AHNAK: variants seen among roughly 807,000 people sequenced by gnomAD.
AHNAK encodes neuroblast differentiation-associated protein AHNAK.
Under a neutral mutation model 37.8 loss-of-function variants are expected in AHNAK, and 23 were observed. The ratio of observed to expected loss-of-function variants is 0.61; its 90% CI spans 0.44 to 0.86. The LOEUF (loss-of-function observed/expected upper bound fraction) is 0.86, where lower values mean the gene tolerates loss of function less well. Ranked by LOEUF, AHNAK falls within the 40% of genes least tolerant of loss-of-function variation. The probability of loss-of-function intolerance (pLI) is 0.00; values close to 1 mark genes in which losing one functional copy is unlikely to be tolerated. For missense variants in AHNAK, 7,411 were observed against 7,319.4 expected (o/e 1.01, Z -0.46); for synonymous variants, 2,481 against 2,636.3 (o/e 0.94, Z 1.80).
At position 62,517,076 on chromosome 11, in the gene AHNAK, T is replaced by G. The variant is rs776518675; in HGVS notation, c.17341A>C (p.Asn5781His). The change falls in exon 5 of 5, where the codon AAT (asparagine) becomes CAT (histidine). Residue 5781 changes from asparagine to histidine, a missense_variant. Transcript: ENST00000378024. ...AACTCTCTTTCATCACTGAATGAAT[T>G]TGAGCGGTGCCGTGGCTTCTTACTT... Reference protein sequence around the residue: ...FKSKKPRHRSNSFSDEREFSG... With the variant: ...FKSKKPRHRSHSFSDEREFSG... 4 of 1,614,176 alleles carry G rather than the reference T, an allele frequency of 2.5e-6. No individual in the cohort carries two copies. Among genetic ancestry groups the G allele is most frequent in the South Asian group, 1.1e-5 (1 of 91,080 alleles).
intron 5 of AHNAK, among the ~76,000 whole-genome samples, chr11:62,443,024 T>G (rs564336965): frequency 6.6e-6 from 1 of 151,102 alleles, no homozygotes; most frequent in Non-Finnish European, 1.5e-5. Flanking sequence ...CAGGCTGGAG[T>G]GCGGTGGCGT....
intron 4 of AHNAK, among the ~76,000 whole-genome samples, chr11:62,500,753 C>T (rs1388055672): frequency 6.6e-6 from 1 of 152,230 alleles, no homozygotes; most frequent in East Asian, 1.9e-4. Context: ...ATCCTTTCAT[C>T]TCCCCTTTGG....
Position 62,522,888 on chromosome 11 carries a change from A to G in AHNAK, c.11529T>C (p.Asp3843=), listed in dbSNP as rs748109975. The change falls in exon 5 of 5, where the codon GAT becomes GAC. Residue 3843 remains aspartate (D), a synonymous_variant. Transcript: ENST00000378024. ...GGCCTTCGATATTCACATCTGGAAC[A>G]TCAATGTCCACCTTGGGTCCTGAGA... The part of the protein sequence containing the change: ...LDVSGPKVDI[D]VPDVNIEGPE... The G allele has an allele frequency of 3.7e-6, 6 of 1,611,928 alleles. No homozygotes were observed. The highest frequency in any genetic ancestry group is 5.1e-6 in the Non-Finnish European group (6 of 1,179,486).
In AHNAK at chr11:62,516,821, A is replaced by G; in HGVS notation, c.17596T>C (p.Ser5866Pro). 1 of 1,614,196 alleles carries G rather than the reference A, an allele frequency of 6.2e-7. No individual in the cohort carries two copies. The highest frequency in any genetic ancestry group is 8.5e-7 in the Non-Finnish European group (1 of 1,180,034). ...ASKKSRLSSS[S>P]SNDSGNKVGI... Reference sequence around the variant, plus strand: ...ACCTTATTCCCACTGTCATTGCTAGAAGAGGAGGACAGTCGGGACTTCTTA... The same window carrying G: ...ACCTTATTCCCACTGTCATTGCTAGGAGAGGAGGACAGTCGGGACTTCTTA... The change falls in exon 5 of 5, where the codon TCT becomes CCT. Residue 5866 changes from serine to proline, a missense_variant. Transcript: ENST00000378024.
At position 62,520,662 on chromosome 11, in the gene AHNAK, G is replaced by A; in HGVS notation, c.13755C>T (p.Asp4585=). The part of the protein sequence containing the change: ...KLKGPKFKMP[D]LHLKAPKISM... ...AGATCTTCGGTGCCTTGAGGTGTAA[G>A]TCAGGCATTTTAAATTTGGGGCCCT... Residue 4585 remains aspartate (D), a synonymous_variant, in exon 5 of 5, where the codon GAC becomes GAT. Transcript: ENST00000378024. 2.5e-6 allele frequency: 4 copies of A among 1,613,928 alleles called. No homozygotes were observed. The highest frequency in any genetic ancestry group is 3.4e-6 in the Non-Finnish European group (4 of 1,179,968).
At chr11:62,511,215 C>T (rs1229625086), downstream of AHNAK, among the ~76,000 whole-genome samples, 1 of 152,002 alleles carries the variant, frequency 6.6e-6, no homozygotes, top group Non-Finnish European at 1.5e-5. Flanking sequence ...ACAACCCACC[C>T]ACCTAATTAA....
intron 4 of AHNAK, among the ~76,000 whole-genome samples, chr11:62,504,314 C>A (rs1939768349): frequency 1.3e-5 from 2 of 152,038 alleles, no homozygotes; most frequent in Admixed American, 6.5e-5. Context: ...AGCATCCCTG[C>A]CAGGCCCCCC....
intron 5 of AHNAK, among the ~76,000 whole-genome samples, chr11:62,448,161 G>T (rs1938457077): frequency 6.6e-6 from 1 of 152,148 alleles, no homozygotes; most frequent in Admixed American, 6.5e-5. Context: ...AGCCAGTGAG[G>T]CTAGAGGGAC....
intron 4 of AHNAK, among the ~76,000 whole-genome samples, chr11:62,506,454 A>C (rs1162779912): frequency 6.6e-6 from 1 of 152,106 alleles, no homozygotes; most frequent in Admixed American, 6.5e-5. Context: ...CAGGGCCGGC[A>C]GGTGAGGAGA....
In AHNAK at chr11:62,527,634, T is replaced by C; in HGVS notation, c.6783A>G (p.Pro2261=). 6.2e-7 allele frequency: 1 copy of C among 1,613,932 alleles called. No individual in the cohort carries two copies. Among genetic ancestry groups the C allele is most frequent in the Non-Finnish European group, 8.5e-7 (1 of 1,179,992 alleles). ...FSMPGFKGEG[P]EVDVNLPKAD... is the part of the protein sequence containing the mutation. ...CCTTGGGCAAGTTCACATCCACTTC[T>C]GGGCCCTCTCCTTTGAAGCCAGGCA... The change falls in exon 5 of 5, where the codon CCA becomes CCG. Residue 2261 remains proline (P), a synonymous_variant. Transcript: ENST00000378024.
At chr11:62,477,117 C>T (rs962457434) in intron 5 of AHNAK, among the ~76,000 whole-genome samples, 7 of 152,178 alleles carry the variant, frequency 4.6e-5, no homozygotes, top group Admixed American at 2.0e-4. Flanking sequence ...GGCATCTCGA[C>T]AACTTTTTGC....
At position 62,519,224 on chromosome 11, in the gene AHNAK, C is replaced by T. The variant is rs1393268352; in HGVS notation, c.15193G>A (p.Ala5065Thr). Residue 5065 changes from alanine (A) to threonine (T), a missense_variant, in exon 5 of 5, where the codon GCA becomes ACA. Coordinates refer to ENST00000378024, the MANE Select transcript of AHNAK (RefSeq NM_001620.3). ...ACTTTGAGTGCAGCATCCGGCCCTG[C>T]GATGTTGACATCTACATCCGGAGCC... ...LKAPDVDVNIAGPDAALKVDV... is the reference protein window; with the variant it reads ...LKAPDVDVNITGPDAALKVDV... 2.5e-6 allele frequency: 4 copies of T among 1,613,452 alleles called. No homozygotes were observed. The highest frequency in any genetic ancestry group is 1.3e-5 in the African/African-American group (1 of 74,870).
intron 5 of AHNAK, among the ~76,000 whole-genome samples, chr11:62,468,376 A>ATG (rs1938960667): frequency 6.7e-6 from 1 of 149,238 alleles, no homozygotes; most frequent in Non-Finnish European, 1.5e-5. Context: ...AAAAAAATAT[A>ATG]TATATATATG....
Position 62,525,966 on chromosome 11 carries a change from C to T in AHNAK, c.8451G>A (p.Lys2817=). The change falls in exon 5 of 5, where the codon AAG becomes AAA. Residue 2817 remains lysine (K), a synonymous_variant. Transcript: ENST00000378024. ...PDVNIEGPEG[K]WKSPKFKMPE... is the part of the protein sequence containing the mutation. ...GCATCTTAAACTTTGGACTTTTCCACTTTCCTTCAGGTCCTTCGATATTCA... is the reference window on the plus strand; with the variant it reads ...GCATCTTAAACTTTGGACTTTTCCATTTTCCTTCAGGTCCTTCGATATTCA... 2 of 1,614,120 alleles carry T rather than the reference C, an allele frequency of 1.2e-6. No individual in the cohort carries two copies. The highest frequency in any genetic ancestry group is 1.7e-6 in the Non-Finnish European group (2 of 1,180,020).
In AHNAK at chr11:62,536,367, C is replaced by T. The variant is rs541660189; in HGVS notation, c.-1+102G>A. 6.8e-5 allele frequency: 26 copies of T among 384,376 alleles called. No homozygotes were observed. The East Asian group carries it at 1.2e-3, about 17-fold the overall frequency. 23.8% of individuals were successfully genotyped at this position (384,376 alleles called of 1,614,324 possible). ...CAACTGGACCCGGAGGTAGCTGGCC[C>T]TTCATCCCTGTCCCCCACGGCCCCA... is the stretch of plus-strand genomic sequence containing the variant. On this transcript the variant is annotated intron_variant, in intron 2 of 4. Transcript: ENST00000378024.
intron 4 of AHNAK, among the ~76,000 whole-genome samples, chr11:62,506,706 G>A (rs1939818982): frequency 6.6e-6 from 1 of 152,204 alleles, no homozygotes; most frequent in South Asian, 2.1e-4. Context: ...ACCAGTGGGT[G>A]GGGCTCGTTA....
At chr11:62,495,846 C>T (rs1374153678) in intron 4 of AHNAK, among the ~76,000 whole-genome samples, 5 of 151,650 alleles carry the variant, frequency 3.3e-5, no homozygotes, top group East Asian at 1.9e-4. Context: ...GCCAGAAGTT[C>T]GAGACCAGCC....
downstream of AHNAK, among the ~76,000 whole-genome samples, chr11:62,514,082 T>C (rs914221870): frequency 1.3e-5 from 2 of 152,056 alleles, no homozygotes; most frequent in Non-Finnish European, 2.9e-5. Flanking sequence ...CATCACTTCT[T>C]CCTAAAGTTA....
intron 1 of AHNAK, among the ~76,000 whole-genome samples, chr11:62,539,323 CT>C (rs1339338036): frequency 6.6e-6 from 1 of 152,244 alleles, no homozygotes; most frequent in Non-Finnish European, 1.5e-5. Context: ...CCAGACACCC[CT>C]GTCCTCCTCC....
Sources: gnomAD v4.1 joint callset for allele counts (sites outside exome capture counted in the v4.1 genomes callset) on GRCh38, gnomAD v4.1.1 for gene constraint, MANE v1.5 for transcripts, NCBI Gene and HGNC (gene_info 2026-07-23, HGNC 2026-07-21) for gene names.